Variants in SPPL3 observed in about 807,000 individuals in gnomAD.
SPPL3 encodes signal peptide peptidase-like 3.
A neutral mutation model predicts 42.4 loss-of-function variants in SPPL3; 5 were observed. The ratio of observed to expected loss-of-function variants is 0.12; its 90% confidence interval spans 0.06 to 0.25. The LOEUF (loss-of-function observed/expected upper bound fraction) is 0.25, where lower values mean the gene tolerates loss of function less well. Ranked by LOEUF, SPPL3 falls within the 10% of genes least tolerant of loss-of-function variation. The pLI is 1.00. For synonymous variants in SPPL3, 195 were observed against 181.8 expected (o/e 1.07, Z -0.58); for missense variants, 235 against 489.0 (o/e 0.48, Z 4.90).
intron 1 of SPPL3, among the ~76,000 whole-genome samples, chr12:120,885,210 T>C (rs974799309): frequency 6.6e-6 from 1 of 152,218 alleles, no homozygotes; most frequent in Non-Finnish European, 1.5e-5. Context: ...GTATAAAATA[T>C]TTGGAAATTA....
chr12:120,781,513 G>A (rs1869537919), intron 6 of SPPL3, among the ~76,000 whole-genome samples: 1 of 139,482 alleles, frequency 7.2e-6, no homozygotes, highest in Admixed American at 7.2e-5. Context: ...AGCATAATAT[G>A]ATGCATTATA....
chr12:120,768,252 T>A (rs586305), intron 8 of SPPL3, 73 bp downstream of exon 8: 1,137,301 of 1,525,920 alleles, frequency 0.75, 427,427 homozygotes, highest in African/African-American at 0.93. Context: ...CTGATGACAT[T>A]AGAGACTGAT....
chr12:120,846,547 T>C (rs1393634015), intron 1 of SPPL3, among the ~76,000 whole-genome samples: 2 of 152,214 alleles, frequency 1.3e-5, no homozygotes, highest in African/African-American at 4.8e-5. Context: ...ATAAAAGCTA[T>C]GGAGAGTAAA....
At chr12:120,846,271 C>T (rs974996575) in intron 1 of SPPL3, among the ~76,000 whole-genome samples, 33 of 152,252 alleles carry the variant, frequency 2.2e-4, no homozygotes, top group Admixed American at 1.4e-3. Flanking sequence ...TAGGGACATT[C>T]CAAGAGTAAC....
chr12:120,855,082 T>C (rs1396221826), intron 1 of SPPL3, among the ~76,000 whole-genome samples: 1 of 152,068 alleles, frequency 6.6e-6, no homozygotes, highest in Non-Finnish European at 1.5e-5. Context: ...AGGGAACTCA[T>C]TATCCCTCCA....
intron 1 of SPPL3, among the ~76,000 whole-genome samples, chr12:120,887,106 C>T (rs778626997): frequency 2.0e-5 from 3 of 151,892 alleles, no homozygotes; most frequent in Non-Finnish European, 4.4e-5. Context: ...CCCACCATCA[C>T]GCCCGGCTAA....
rs1280173935 is a variant in SPPL3 at position 120,852,741 on chromosome 12, T to TAAC, written c.24-41856_24-41855insGTT. ...TATTTTATATATAATATACATATAA[T>TAAC]ATATTTCATATATTATATCTATGTA... is the stretch of plus-strand genomic sequence containing the variant. On this transcript the variant is annotated intron_variant, in intron 1 of 10. Transcript: ENST00000353487. Among the ~76,000 whole-genome samples the TAAC allele has an allele frequency of 4.8e-3, 365 of 75,688 alleles. 48 individuals are homozygous for TAAC. The highest frequency in any genetic ancestry group is 0.018 in the African/African-American group (360 of 20,420). The allele number at this position is 75,688 out of a possible 152,430, so 49.7% of individuals were successfully genotyped here.
intron 3 of SPPL3, 61 bp from the exon 4 acceptor site, chr12:120,784,654 CTTCA>C: frequency 7.3e-7 from 1 of 1,378,578 alleles, no homozygotes; most frequent in Non-Finnish European, 9.9e-7. Context: ...TGCCTATGCA[CTTCA>C]TATACATTAA....
chr12:120,831,942 A>G (rs968991557), intron 1 of SPPL3, among the ~76,000 whole-genome samples: 3 of 152,206 alleles, frequency 2.0e-5, no homozygotes, highest in Non-Finnish European at 4.4e-5. Flanking sequence ...TTCTCAGCTG[A>G]CATAACATTT....
At chr12:120,773,605 C>T (rs1484614545) in intron 6 of SPPL3, among the ~76,000 whole-genome samples, 1 of 152,158 alleles carries the variant, frequency 6.6e-6, no homozygotes, top group Non-Finnish European at 1.5e-5. Context: ...CTCTGTGACA[C>T]ATGTAGACGA....
chr12:120,851,912 A>G (rs12306138), intron 1 of SPPL3, among the ~76,000 whole-genome samples: 8,315 of 152,162 alleles, frequency 0.055, 627 homozygotes, highest in African/African-American at 0.17. Context: ...CCCGTTTCAC[A>G]CTGATTTTCA....
At chr12:120,890,542 T>C (rs1873605113) in intron 1 of SPPL3, among the ~76,000 whole-genome samples, 1 of 139,858 alleles carries the variant, frequency 7.2e-6, no homozygotes, top group African/African-American at 2.7e-5. Context: ...TAAGCAGAGA[T>C]CGCGCCATTG....
intron 1 of SPPL3, among the ~76,000 whole-genome samples, chr12:120,902,992 C>T (rs927229676): frequency 2.6e-5 from 4 of 152,134 alleles, no homozygotes; most frequent in African/African-American, 9.7e-5. Flanking sequence ...AGGTTGTCAC[C>T]CCATAAACTA....
At chr12:120,804,594 TAAC>T (rs769375440) in intron 2 of SPPL3, among the ~76,000 whole-genome samples, 4 of 152,240 alleles carry the variant, frequency 2.6e-5, no homozygotes, top group South Asian at 4.1e-4. Flanking sequence ...AGATAGATAA[TAAC>T]AAGTGTTGGT....
intron 1 of SPPL3, among the ~76,000 whole-genome samples, chr12:120,868,774 C>T (rs1281387726): frequency 6.6e-6 from 1 of 152,096 alleles, no homozygotes; most frequent in Admixed American, 6.6e-5. Context: ...GCCACCATGC[C>T]CGGCCAATGG....
chr12:120,767,251 T>C, intron 9 of SPPL3, 143 bp downstream of exon 9: 2 of 826,550 alleles, frequency 2.4e-6, no homozygotes, highest in South Asian at 1.8e-5. Flanking sequence ...ACTTAGCATC[T>C]CACGGGCCAG....
At chr12:120,770,749 G>A (rs1218061678) in intron 6 of SPPL3, among the ~76,000 whole-genome samples, 3 of 152,016 alleles carry the variant, frequency 2.0e-5, no homozygotes, top group Non-Finnish European at 2.9e-5. Flanking sequence ...CAGTGATCTC[G>A]TCCAATCTCA....
intron 1 of SPPL3, among the ~76,000 whole-genome samples, chr12:120,827,281 A>G (rs1340071470): frequency 2.0e-5 from 3 of 150,922 alleles, no homozygotes; most frequent in Non-Finnish European, 4.4e-5. Context: ...ACTTATTTGA[A>G]AGGCCTATGA....
At chr12:120,876,758 AAAAG>A (rs1187649410) in intron 1 of SPPL3, among the ~76,000 whole-genome samples, 1 of 151,874 alleles carries the variant, frequency 6.6e-6, no homozygotes, top group Non-Finnish European at 1.5e-5. Flanking sequence ...ATACTGGAAA[AAAAG>A]AAAGTTTTCA....
Sources: allele counts gnomAD v4.1 joint callset (sites outside exome capture counted in the v4.1 genomes callset), GRCh38; gene constraint gnomAD v4.1.1; transcripts MANE v1.5; gene names NCBI Gene and HGNC (gene_info 2026-07-23, HGNC 2026-07-21).